NFATC2: variants seen among roughly 807,000 people sequenced by gnomAD.
NFATC2 encodes the protein nuclear factor of activated T-cells, cytoplasmic 2.
In NFATC2, 22 loss-of-function variants were observed where a neutral mutation model predicts 87.3. The observed-to-expected ratio is 0.25, with a 90% CI of 0.18 to 0.36. The LOEUF (loss-of-function observed/expected upper bound fraction) is 0.36, where lower values mean the gene tolerates loss of function less well. Among genes scored for constraint, NFATC2 ranks in the 10% least tolerant of loss-of-function variants. The pLI, the probability that NFATC2 is intolerant of heterozygous loss-of-function variation, is 1.00. For synonymous variants in NFATC2, 565 were observed against 542.2 expected (o/e 1.04, Z -0.58); for missense variants, 1,149 against 1,259.1 (o/e 0.91, Z 1.32).
intron 9 of NFATC2, among the ~76,000 whole-genome samples, chr20:51,404,032 G>C (rs965616190): frequency 2.6e-5 from 4 of 152,178 alleles, no homozygotes; most frequent in Non-Finnish European, 5.9e-5. Flanking sequence ...GTCCGTGGCA[G>C]GGGTTGAACA....
At chr20:51,530,631 G>A (rs569120441) in intron 1 of NFATC2, among the ~76,000 whole-genome samples, 2 of 152,348 alleles carry the variant, frequency 1.3e-5, no homozygotes, top group African/African-American at 4.8e-5. Context: ...GGAGGAAGAA[G>A]ATAGAAGCAG....
chr20:51,477,931 C>T (rs1486172104), intron 3 of NFATC2, among the ~76,000 whole-genome samples: 1 of 152,186 alleles, frequency 6.6e-6, no homozygotes, highest in Non-Finnish European at 1.5e-5. Flanking sequence ...AGCCACATTT[C>T]AGTGCTCAGA....
In NFATC2 at chr20:51,462,146, A is replaced by G. The variant is rs144166174; in HGVS notation, c.1709-7458T>C. On this transcript the variant is annotated intron_variant, in intron 5 of 10. Coordinates refer to ENST00000371564, the MANE Select transcript of NFATC2 (RefSeq NM_012340.5). ...AATAAAAATAAATTTAAATTTAAGA[A>G]ATAACAGGCCGGGCAGGGTGACTTA... Among the ~76,000 whole-genome samples, 419 of 150,436 alleles carry G rather than the reference A, an allele frequency of 2.8e-3. 1 individual carries two copies. The highest frequency in any genetic ancestry group is 9.6e-3 in the African/African-American group (394 of 40,842).
At chr20:51,429,154 G>GACTAGCTAGGAGACGGGC (rs1015907931) in intron 9 of NFATC2, among the ~76,000 whole-genome samples, 2 of 152,240 alleles carry the variant, frequency 1.3e-5, no homozygotes, top group Non-Finnish European at 1.5e-5. Context: ...GGGCTACACA[G>GACTAGCTAGGAGACGGGC]ACTAGCTAGG....
At chr20:51,476,821 G>C (rs1341703919) in intron 3 of NFATC2, among the ~76,000 whole-genome samples, 1 of 152,198 alleles carries the variant, frequency 6.6e-6, no homozygotes, top group Non-Finnish European at 1.5e-5. Flanking sequence ...AAACAAACAT[G>C]CAAATTAGAC....
Position 51,416,583 on chromosome 20 carries a change from T to A in NFATC2, c.2722+15484A>T, listed in dbSNP as rs1378563371. On this transcript the variant is annotated intron_variant, in intron 9 of 10. Coordinates refer to ENST00000371564, the MANE Select transcript of NFATC2 (RefSeq NM_012340.5). ...AAGATATTAAAGGAGGGTTGGCACA[T>A]CCCAAGTGCAGAGATGAAGACATTT... is the stretch of plus-strand genomic sequence containing the variant. Among the ~76,000 whole-genome samples, 5 of 152,248 alleles carry A rather than the reference T, an allele frequency of 3.3e-5. No individual in the cohort carries two copies. The East Asian group carries it at 7.7e-4, about 24-fold the overall frequency.
intron 5 of NFATC2, among the ~76,000 whole-genome samples, chr20:51,463,491 T>C (rs540450384): frequency 6.0e-4 from 92 of 152,320 alleles, no homozygotes; most frequent in African/African-American, 2.1e-3. Context: ...TAGGAGCTGC[T>C]GTCTCTCCTC....
chr20:51,533,424 G>A (rs2076668681), intron 1 of NFATC2, among the ~76,000 whole-genome samples: 1 of 152,246 alleles, frequency 6.6e-6, no homozygotes, highest in Non-Finnish European at 1.5e-5. Flanking sequence ...AATGAATCAT[G>A]TGTATTAATG....
intron 3 of NFATC2, among the ~76,000 whole-genome samples, chr20:51,512,202 T>G (rs2076282628): frequency 6.6e-6 from 1 of 152,246 alleles, no homozygotes; most frequent in Admixed American, 6.5e-5. Context: ...AAAGTAGGTC[T>G]TCCAAGTACC....
chr20:51,416,331 A>G (rs548134941), intron 9 of NFATC2, among the ~76,000 whole-genome samples: 3 of 152,200 alleles, frequency 2.0e-5, no homozygotes, highest in Non-Finnish European at 4.4e-5. Flanking sequence ...AAAACAGAGG[A>G]ACCAGACCAG....
chr20:51,489,128 TGCAGTGA>T (rs1404292950), intron 3 of NFATC2, among the ~76,000 whole-genome samples: 2 of 152,230 alleles, frequency 1.3e-5, no homozygotes, highest in Non-Finnish European at 2.9e-5. Context: ...AGGCAGAGGT[TGCAGTGA>T]GCCAAGATCG....
chr20:51,492,985 G>C (rs938508090), intron 3 of NFATC2, among the ~76,000 whole-genome samples: 1 of 152,218 alleles, frequency 6.6e-6, no homozygotes, highest in Non-Finnish European at 1.5e-5. Flanking sequence ...AGGAGGATGC[G>C]ATCGTGTGCC....
chr20:51,500,936 T>G (rs1212153850), intron 3 of NFATC2, among the ~76,000 whole-genome samples: 1 of 135,586 alleles, frequency 7.4e-6, no homozygotes, highest in Non-Finnish European at 1.6e-5. Context: ...GAGTGGGAAG[T>G]GTTTTAGACT....
intron 6 of NFATC2, among the ~76,000 whole-genome samples, chr20:51,441,693 G>A (rs1984361881): frequency 9.3e-6 from 1 of 107,080 alleles, no homozygotes. Flanking sequence ...CTCCAGCCTG[G>A]ACAACAAGAG....
chr20:51,512,417 T>G (rs2076286684), intron 3 of NFATC2, among the ~76,000 whole-genome samples: 2 of 152,140 alleles, frequency 1.3e-5, no homozygotes, highest in Non-Finnish European at 2.9e-5. Flanking sequence ...CTGAGCTCCC[T>G]CAGGGCATGA....
intron 10 of NFATC2, among the ~76,000 whole-genome samples, chr20:51,397,424 C>T (rs1335225473): frequency 6.6e-6 from 1 of 152,146 alleles, no homozygotes; most frequent in Non-Finnish European, 1.5e-5. Context: ...GCAGTAAATC[C>T]CCTCCCAGGC....
intron 1 of NFATC2, among the ~76,000 whole-genome samples, chr20:51,561,444 A>AAAGAAAGG (rs1568765560): frequency 1.0e-3 from 94 of 93,680 alleles, no homozygotes; most frequent in Non-Finnish European, 1.5e-3. Context: ...AGAAAGAAAG[A>AAAGAAAGG]AAGAAAGAAA....
chr20:51,456,211 A>G (rs995118447), intron 5 of NFATC2, among the ~76,000 whole-genome samples: 2 of 152,146 alleles, frequency 1.3e-5, no homozygotes, highest in African/African-American at 4.8e-5. Flanking sequence ...ATCTATTTAC[A>G]TCTATGTCCT....
At position 51,411,516 on chromosome 20, in the gene NFATC2, CTTTTTTTTTTTTTTT is replaced by C. The variant is rs67935951; in HGVS notation, c.2723-12801_2723-12787del. 6.6e-4 allele frequency among the ~76,000 whole-genome samples: 58 copies of C among 87,250 alleles called. 1 individual carries two copies. Among genetic ancestry groups the C allele is most frequent in the Middle Eastern group, 7.0e-3 (1 of 142 alleles). The allele number at this position is 87,250 out of a possible 152,430, so 57.2% of individuals were successfully genotyped here. A position where few individuals can be genotyped will look rare whatever the true frequency, so the allele number is the denominator to read the frequency against. Reference sequence around the variant, plus strand: ...CAAGGTCCTGAAGCAATGCAATTGTCTTTTTTTTTTTTTTTTTTTTTTTTTTTTTGAGACAGAGTC... The same window carrying C: ...CAAGGTCCTGAAGCAATGCAATTGTCTTTTTTTTTTTTTTGAGACAGAGTC... On this transcript the variant is annotated intron_variant, in intron 9 of 10. Transcript: ENST00000371564.
Sources: gnomAD v4.1 joint callset for allele counts (sites outside exome capture counted in the v4.1 genomes callset) on GRCh38, gnomAD v4.1.1 for gene constraint, MANE v1.5 for transcripts, NCBI Gene and HGNC (gene_info 2026-07-23, HGNC 2026-07-21) for gene names.